Variants in TBC1D4 observed in about 807,000 individuals in gnomAD.
The protein encoded by TBC1D4 is TBC1 domain family member 4.
A neutral mutation model predicts 142.5 loss-of-function variants in TBC1D4; 121 were observed. The ratio of observed to expected loss-of-function variants is 0.85; its 90% confidence interval spans 0.73 to 0.99. The LOEUF (loss-of-function observed/expected upper bound fraction) is 0.99. TBC1D4 is among the 50% of genes least tolerant of loss of function. TBC1D4 has a pLI of 0.00. For synonymous variants in TBC1D4, 630 were observed against 628.2 expected (o/e 1.00, Z -0.04); for missense variants, 1,475 against 1,606.6 (o/e 0.92, Z 1.40).
At chr13:75,341,445 T>C in intron 6 of TBC1D4, 51 bp downstream of exon 6, 1 of 1,558,962 alleles carries the variant, frequency 6.4e-7, no homozygotes, top group Non-Finnish European at 8.8e-7. Flanking sequence ...AAAAACAGGA[T>C]CCAATTCTCA....
chr13:75,340,028 T>A (rs73220090), intron 7 of TBC1D4, among the ~76,000 whole-genome samples: 8,390 of 152,324 alleles, frequency 0.055, 374 homozygotes, highest in Admixed American at 0.11. Flanking sequence ...CACTACAGAT[T>A]CTTTTTTAAA....
chr13:75,390,873 G>C (rs1262614008), intron 1 of TBC1D4, among the ~76,000 whole-genome samples: 8 of 136,132 alleles, frequency 5.9e-5, no homozygotes, highest in African/African-American at 2.2e-4. Flanking sequence ...GAGGGGAGGG[G>C]AGGGGAGGGG....
chr13:75,465,646 T>G (rs1423347708), intron 1 of TBC1D4, among the ~76,000 whole-genome samples: 1 of 152,090 alleles, frequency 6.6e-6, no homozygotes, highest in Non-Finnish European at 1.5e-5. Context: ...CATTCCAAAG[T>G]TAACCTGAAA....
intron 2 of TBC1D4, among the ~76,000 whole-genome samples, chr13:75,361,440 G>A (rs80094170): frequency 6.6e-6 from 1 of 152,042 alleles, no homozygotes; most frequent in African/African-American, 2.4e-5. Context: ...GAGTGCAGGG[G>A]GTCAATCTCA....
At chr13:75,415,066 G>A (rs1304888382) in intron 1 of TBC1D4, among the ~76,000 whole-genome samples, 7 of 151,112 alleles carry the variant, frequency 4.6e-5, no homozygotes, top group Admixed American at 4.6e-4. Flanking sequence ...GGAGGTTTCG[G>A]TGAGCCGAGA....
chr13:75,399,918 A>C (rs972169096), intron 1 of TBC1D4, among the ~76,000 whole-genome samples: 1 of 152,168 alleles, frequency 6.6e-6, no homozygotes, highest in Admixed American at 6.5e-5. Flanking sequence ...ACATGCTGTA[A>C]GGCAGGTCAT....
At chr13:75,402,816 T>A (rs942870858) in intron 1 of TBC1D4, among the ~76,000 whole-genome samples, 7 of 152,096 alleles carry the variant, frequency 4.6e-5, no homozygotes, top group African/African-American at 1.7e-4. Flanking sequence ...AAGAGAGATA[T>A]GAGAGACTTT....
At chr13:75,354,841 T>C (rs2138139599) in intron 4 of TBC1D4, among the ~76,000 whole-genome samples, 1 of 152,326 alleles carries the variant, frequency 6.6e-6, no homozygotes, top group East Asian at 1.9e-4. Context: ...CCAACCTGCC[T>C]TTCACTGTCA....
At chr13:75,454,146 TG>T (rs1190774457) in intron 1 of TBC1D4, among the ~76,000 whole-genome samples, 2 of 151,948 alleles carry the variant, frequency 1.3e-5, no homozygotes, top group South Asian at 2.1e-4. Context: ...CTCAGCCCCC[TG>T]GGAGCCTGGG....
chr13:75,471,952 C>A (rs1888421069), intron 1 of TBC1D4, among the ~76,000 whole-genome samples: 1 of 151,476 alleles, frequency 6.6e-6, no homozygotes, highest in African/African-American at 2.4e-5. Context: ...ACTAAAAATA[C>A]AAAAATTTGC....
At chr13:75,356,859 A>T (rs554487657) in intron 3 of TBC1D4, among the ~76,000 whole-genome samples, 1 of 151,866 alleles carries the variant, frequency 6.6e-6, no homozygotes, top group African/African-American at 2.4e-5. Flanking sequence ...ATATCCCATT[A>T]AAAAAAATCA....
chr13:75,345,568 T>C (rs1881080143), intron 5 of TBC1D4, among the ~76,000 whole-genome samples: 1 of 152,154 alleles, frequency 6.6e-6, no homozygotes, highest in South Asian at 2.1e-4. Flanking sequence ...GAATTCATAA[T>C]TGTTTATTAC....
In TBC1D4 at chr13:75,286,579, A is replaced by T. The variant is rs1044591058; in HGVS notation, c.*213T>A. ...ATTTTATATATATATTTATATGTAC[A>T]TAGCAACAACAAAAACCAGTCTACA... On this transcript the variant is annotated 3_prime_UTR_variant, in exon 21 of 21. Coordinates refer to ENST00000377636, the MANE Select transcript of TBC1D4 (RefSeq NM_014832.5). The T allele has an allele frequency of 2.3e-5, 13 of 565,980 alleles. No homozygotes were observed. The highest frequency in any genetic ancestry group is 9.0e-5 in the South Asian group (4 of 44,360). The allele number at this position is 565,980 out of a possible 1,614,324, so 35.1% of individuals were successfully genotyped here.
chr13:75,460,170 T>G (rs1334284123), intron 1 of TBC1D4, among the ~76,000 whole-genome samples: 1 of 151,792 alleles, frequency 6.6e-6, no homozygotes, highest in African/African-American at 2.4e-5. Flanking sequence ...AAAAAAATAA[T>G]AATAATACAT....
At chr13:75,418,418 G>T (rs1411419290) in intron 1 of TBC1D4, among the ~76,000 whole-genome samples, 1 of 152,148 alleles carries the variant, frequency 6.6e-6, no homozygotes, top group Non-Finnish European at 1.5e-5. Flanking sequence ...TTTGAGCTGG[G>T]CCCTAAAAGA....
At position 75,481,721 on chromosome 13, in the gene TBC1D4, AG is replaced by A; in HGVS notation, c.46del (p.Leu16TrpfsTer67). 1.3e-6 allele frequency: 2 copies of A among 1,596,518 alleles called. No homozygotes were observed. Among genetic ancestry groups the A allele is most frequent in the East Asian group, 2.3e-5 (1 of 44,298 alleles). Reference protein sequence around the residue: ...CIQDEPFPHPLEPEPGVSAQP... With the variant: ...CIQDEPFPHPXEPEPGVSAQP... Reference sequence around the variant, plus strand: ...AGCTGAGACGCCCGGCTCGGGCTCCAGGGGGTGCGGGAACGGCTCATCCTGA... The same window carrying A: ...AGCTGAGACGCCCGGCTCGGGCTCCAGGGGTGCGGGAACGGCTCATCCTGA... On this transcript the variant is annotated frameshift_variant, in exon 1 of 21. Transcript: ENST00000377636. LOFTEE classifies it high-confidence loss of function.
chr13:75,301,333 T>C (rs959438742), intron 16 of TBC1D4, among the ~76,000 whole-genome samples: 2 of 152,116 alleles, frequency 1.3e-5, no homozygotes, highest in Non-Finnish European at 2.9e-5. Context: ...ATAAGTTATT[T>C]GAAAATCAGC....
chr13:75,386,897 T>A (rs1283184550), intron 1 of TBC1D4, among the ~76,000 whole-genome samples: 1 of 152,168 alleles, frequency 6.6e-6, no homozygotes, highest in Non-Finnish European at 1.5e-5. Flanking sequence ...AAACCTGGTG[T>A]AGGTATTTTT....
At chr13:75,481,241 G>A in intron 1 of TBC1D4, 29 bp downstream of exon 1, 4 of 1,175,086 alleles carry the variant, frequency 3.4e-6, no homozygotes, top group Non-Finnish European at 3.6e-6. Flanking sequence ...GGCCGAGCCC[G>A]CCCCCGCGCC....
Sources: gnomAD v4.1 joint callset for allele counts (sites outside exome capture counted in the v4.1 genomes callset) on GRCh38, gnomAD v4.1.1 for gene constraint, MANE v1.5 for transcripts, NCBI Gene and HGNC (gene_info 2026-07-23, HGNC 2026-07-21) for gene names.